The following CD83 variants were observed in gnomAD, a reference collection of about 807,000 sequenced individuals.
The protein encoded by CD83 is CD83 antigen.
Under a neutral mutation model 24.6 loss-of-function variants are expected in CD83, and 22 were observed. The observed-to-expected ratio is 0.90, with a 90% confidence interval of 0.64 to 1.28. The LOEUF is 1.28. Among genes scored for constraint, CD83 ranks in the 50% most tolerant of loss-of-function variants. CD83 has a pLI of 0.00. For missense variants in CD83, 253 were observed against 252.8 expected (o/e 1.00, Z -0.01); for synonymous variants, 101 against 103.5 (o/e 0.98, Z 0.14).
Position 14,131,485 on chromosome 6 carries a change from G to A in CD83, c.154-35G>A, listed in dbSNP as rs146819802. 15 of 1,501,962 alleles carry A rather than the reference G, an allele frequency of 1.0e-5. No homozygotes were observed. In the East Asian group the frequency reaches 3.4e-4, roughly 34 times the overall value. The allele number at this position is 1,501,962 out of a possible 1,614,324, so 93.0% of individuals were successfully genotyped here. On this transcript the variant is annotated intron_variant, in intron 2 of 4. Transcript: ENST00000379153. The stretch of plus-strand genomic sequence containing the variant: ...TTGGTGTCGAGTTGGAGTGCTTGCA[G>A]TGGACCGTGATGCGCTCTGATTCCT...
At position 14,129,307 on chromosome 6, in the gene CD83, C is replaced by G. The variant is rs9296921; in HGVS notation, c.154-2213C>G. ...CTGGATGGGCCTCGGTCTCTGGTCT[C>G]TTGAAAGCCCTTGCCTGGTAGGAAG... On this transcript the variant is annotated intron_variant, in intron 2 of 4. Transcript: ENST00000379153. The surrounding 1 kb of genome is among the most constrained non-coding windows in gnomAD (Gnocchi z 4.3). Among the ~76,000 whole-genome samples the G allele has an allele frequency of 0.083, 12,678 of 152,250 alleles. 1,761 individuals are homozygous for G. Among genetic ancestry groups the G allele is most frequent in the African/African-American group, 0.29 (11,951 of 41,496 alleles).
At chr6:14,120,817 C>T (rs1427711190) in intron 2 of CD83, among the ~76,000 whole-genome samples, 1 of 152,212 alleles carries the variant, frequency 6.6e-6, no homozygotes, top group African/African-American at 2.4e-5. Flanking sequence ...TATCATATGC[C>T]TTTGACCAGA....
chr6:14,135,376 G>A lies in CD83; in HGVS notation c.*140G>A. On this transcript the variant is annotated 3_prime_UTR_variant, in exon 5 of 5. Transcript: ENST00000379153. ...TCACCTCACTGAAAACATCTGGAAG[G>A]GGATCCCACCCCATTTTCTGTGGGC... is the stretch of plus-strand genomic sequence containing the variant. The A allele has an allele frequency of 1.1e-6, 1 of 913,590 alleles. No individual in the cohort carries two copies. Among genetic ancestry groups the A allele is most frequent in the Non-Finnish European group, 1.6e-6 (1 of 615,548 alleles). The allele number at this position is 913,590 out of a possible 1,614,324, so 56.6% of individuals were successfully genotyped here. A position where few individuals can be genotyped will look rare whatever the true frequency, so the allele number is the denominator to read the frequency against.
chr6:14,135,393 T>A lies in CD83; in HGVS notation c.*157T>A. 1 of 789,688 alleles carries A rather than the reference T, an allele frequency of 1.3e-6. No homozygotes were observed. Among genetic ancestry groups the A allele is most frequent in the Non-Finnish European group, 2.0e-6 (1 of 509,068 alleles). 48.9% of individuals were successfully genotyped at this position (789,688 alleles called of 1,614,324 possible). The stretch of plus-strand genomic sequence containing the variant: ...TCTGGAAGGGGATCCCACCCCATTT[T>A]CTGTGGGCAGGCCTCGAAAACCATC... On this transcript the variant is annotated 3_prime_UTR_variant, in exon 5 of 5. Transcript: ENST00000379153.
In CD83 at chr6:14,129,354, G is replaced by C. The variant is rs79515963; in HGVS notation, c.154-2166G>C. ...GAAGAAGCCGCTCTGCCAGGCAGCG[G>C]AAGGGAGAGGCAAGCAGTGTGAGCC... On this transcript the variant is annotated intron_variant, in intron 2 of 4. Transcript: ENST00000379153. The surrounding 1 kb of genome is among the most constrained non-coding windows in gnomAD (Gnocchi z 4.3). Among the ~76,000 whole-genome samples, 1,200 of 152,300 alleles carry C rather than the reference G, an allele frequency of 7.9e-3. 13 individuals carry two copies. Among genetic ancestry groups the C allele is most frequent in the African/African-American group, 0.028 (1,143 of 41,560 alleles).
Position 14,131,688 on chromosome 6 carries a change from A to G in CD83, c.322A>G (p.Thr108Ala), listed in dbSNP as rs199999913. Residue 108 changes from threonine to alanine, a missense_variant, in exon 3 of 5, where the codon ACT becomes GCT. Transcript: ENST00000379153. ...CTGCAACTCGGGGACATACAGGTGC[A>G]CTCTGCAGGACCCGGATGGGCAGAG... Reference protein sequence around the residue: ...TSCNSGTYRCTLQDPDGQRNL... With the variant: ...TSCNSGTYRCALQDPDGQRNL... 9.5e-5 allele frequency: 154 copies of G among 1,614,024 alleles called. No individual in the cohort carries two copies. The highest frequency in any genetic ancestry group is 2.2e-4 in the Admixed American group (13 of 59,998).
rs1759573592 is a variant in CD83 at position 14,117,932 on chromosome 6, GCT to G, written c.38-11_38-10del. On this transcript the variant is annotated splice_polypyrimidine_tract_variant and intron_variant, in intron 1 of 4. Transcript: ENST00000379153. The surrounding 1 kb of genome is among the most constrained non-coding windows in gnomAD (Gnocchi z 4.6). Reference sequence around the variant, plus strand: ...CCCGTCGGTCGCTTGCTCACGACGCGCTCTCTCTTTCTTGTAGCCTACAGCCT... The same window carrying G: ...CCCGTCGGTCGCTTGCTCACGACGCGCTCTCTTTCTTGTAGCCTACAGCCT... 3.1e-6 allele frequency: 5 copies of G among 1,599,410 alleles called. No individual in the cohort carries two copies. Among genetic ancestry groups the G allele is most frequent in the Non-Finnish European group, 2.6e-6 (3 of 1,175,676 alleles).
At chr6:14,121,616 CAAAAAAAA>C (rs57805122) in intron 2 of CD83, among the ~76,000 whole-genome samples, 2 of 53,772 alleles carry the variant, frequency 3.7e-5, no homozygotes, top group African/African-American at 8.0e-5. Flanking sequence ...CTGTCTCTAC[CAAAAAAAA>C]AAAAAAAAAA....
chr6:14,123,376 G>A (rs1319218337), intron 2 of CD83, among the ~76,000 whole-genome samples: 1 of 152,210 alleles, frequency 6.6e-6, no homozygotes, highest in Non-Finnish European at 1.5e-5. Flanking sequence ...TGGGATTACA[G>A]GCGTAAGCCA....
chr6:14,130,906 C>T (rs79304219), intron 2 of CD83, among the ~76,000 whole-genome samples: 3,359 of 152,286 alleles, frequency 0.022, 133 homozygotes, highest in African/African-American at 0.077. Flanking sequence ...AAGCATGCTT[C>T]TCAGCTGTCT....
At chr6:14,134,915 A>G (rs1758010510) in intron 4 of CD83, among the ~76,000 whole-genome samples, 193 bp from the exon 5 acceptor site, 2 of 152,198 alleles carry the variant, frequency 1.3e-5, no homozygotes, top group South Asian at 4.1e-4. Context: ...CAATCAGTGA[A>G]TCTCCTGGTC....
intron 2 of CD83, among the ~76,000 whole-genome samples, chr6:14,122,164 T>C (rs1177987110): frequency 6.6e-6 from 1 of 152,112 alleles, no homozygotes; most frequent in Non-Finnish European, 1.5e-5. Flanking sequence ...AAATAGACTT[T>C]ATAATATTGA....
At position 14,117,974 on chromosome 6, in the gene CD83, C is replaced by T; in HGVS notation, c.62C>T (p.Pro21Leu). The stretch of plus-strand genomic sequence containing the variant: ...GCCTACAGCCTGGCTCCCGCGACGC[C>T]GGAGGTGAAGGTGGCTTGCTCCGAA... ...SCAYSLAPAT[P>L]EVKVACSEDV... The change falls in exon 2 of 5, where the codon CCG (proline) becomes CTG (leucine). Residue 21 changes from proline (P) to leucine (L), a missense_variant. By Grantham distance (98) the Pro-to-Leu change is moderately conservative. Coordinates refer to ENST00000379153, the MANE Select transcript of CD83 (RefSeq NM_004233.4). The surrounding 1 kb of genome is among the most constrained non-coding windows in gnomAD (Gnocchi z 4.6). The T allele has an allele frequency of 1.2e-6, 2 of 1,610,046 alleles. No individual in the cohort carries two copies. The highest frequency in any genetic ancestry group is 1.3e-5 in the African/African-American group (1 of 74,856).
At chr6:14,127,913 A>G (rs1759857707) in intron 2 of CD83, among the ~76,000 whole-genome samples, 1 of 152,250 alleles carries the variant, frequency 6.6e-6, no homozygotes. Flanking sequence ...GTTGTGCTTT[A>G]GCGCACTGTA....
intron 2 of CD83, among the ~76,000 whole-genome samples, chr6:14,124,049 A>G (rs1759732778): frequency 6.6e-6 from 1 of 152,236 alleles, no homozygotes. Flanking sequence ...CATTAGCTCA[A>G]AATAGAGCTG....
rs1759895745 is a variant in CD83 at position 14,129,401 on chromosome 6, G to A, written c.154-2119G>A. On this transcript the variant is annotated intron_variant, in intron 2 of 4. Coordinates refer to ENST00000379153, the MANE Select transcript of CD83 (RefSeq NM_004233.4). The surrounding 1 kb of genome is among the most constrained non-coding windows in gnomAD (Gnocchi z 4.3). ...AGCCCATGACGAGGCTTCAGTTTAT[G>A]GTTTACTTAGGCTTGAAAAGGGAAA... is the stretch of plus-strand genomic sequence containing the variant. Among the ~76,000 whole-genome samples the A allele has an allele frequency of 6.6e-6, 1 of 152,132 alleles. No homozygotes were observed. The highest frequency in any genetic ancestry group is 1.5e-5 in the Non-Finnish European group (1 of 68,038).
Position 14,118,075 on chromosome 6 carries a change from G to A in CD83, c.153+10G>A. ...GGTCTCCTGGGTCAAGGTAGGTGCT[G>A]CGATACCCACGGGCTGGGGTTTGGT... On this transcript the variant is annotated intron_variant, in intron 2 of 4. Transcript: ENST00000379153. The A allele has an allele frequency of 6.3e-7, 1 of 1,587,126 alleles. No individual in the cohort carries two copies. Among genetic ancestry groups the A allele is most frequent in the South Asian group, 1.1e-5 (1 of 88,686 alleles).
upstream of CD83, chr6:14,117,588 C>CGACGGGGGCGGG (rs553086252): frequency 0.028 from 4,370 of 154,444 alleles, 59 homozygotes; most frequent in South Asian, 0.037. This position sits in a 1 kb window ranked among gnomAD's most constrained non-coding sequence, Gnocchi z 4.6. Flanking sequence ...GCGGCGGGTG[C>CGACGGGGGCGGG]GACGGGGGCG....
At chr6:14,133,807 C>A in intron 4 of CD83, 52 bp downstream of exon 4, 1 of 1,167,886 alleles carries the variant, frequency 8.6e-7, no homozygotes, top group Non-Finnish European at 1.3e-6. Context: ...CCCAGGGCAC[C>A]AATCCAAGTA....
Sources: gnomAD v4.1 joint callset for allele counts (sites outside exome capture counted in the v4.1 genomes callset) on GRCh38, gnomAD v4.1.1 for gene constraint, Gnocchi (gnomAD v3.1) non-coding constraint, MANE v1.5 for transcripts, NCBI Gene and HGNC (gene_info 2026-07-23, HGNC 2026-07-21) for gene names.